Variants in NOS1AP observed in about 807,000 individuals in gnomAD.
The protein encoded by NOS1AP is carboxyl-terminal PDZ ligand of neuronal nitric oxide synthase protein.
NOS1AP carries 21 observed loss-of-function variants against 56.2 expected under a neutral mutation model. That is an observed-to-expected ratio of 0.37 (90% confidence interval 0.26 to 0.54). The LOEUF is 0.54. Among genes scored for constraint, NOS1AP ranks in the 20% least tolerant of loss-of-function variants. The pLI is 0.84. For missense variants in NOS1AP, 522 were observed against 657.8 expected, an observed-to-expected ratio of 0.79 and a Z score of 2.26; for synonymous variants, 270 against 274.6, an observed-to-expected ratio of 0.98 and a Z score of 0.17.
chr1:162,302,014 T>C (rs1016036972), intron 4 of NOS1AP, among the ~76,000 whole-genome samples: 4 of 152,228 alleles, frequency 2.6e-5, no homozygotes, highest in African/African-American at 9.6e-5. Flanking sequence ...TGCAGTCCCT[T>C]GTTCTCAGGG....
chr1:162,345,920 A>G (rs1312361414), intron 6 of NOS1AP, among the ~76,000 whole-genome samples: 4 of 152,250 alleles, frequency 2.6e-5, no homozygotes, highest in African/African-American at 4.8e-5. Flanking sequence ...TAAAAAAACA[A>G]GAATAGAAAA....
Position 162,248,285 on chromosome 1 carries a change from T to C in NOS1AP, c.178-39059T>C, listed in dbSNP as rs572156694. Among the ~76,000 whole-genome samples the C allele has an allele frequency of 1.1e-4, 16 of 152,238 alleles. 1 individual carries two copies. Among genetic ancestry groups the C allele is most frequent in the Admixed American group, 2.6e-4 (4 of 15,288 alleles). On this transcript the variant is annotated intron_variant, in intron 2 of 9. Coordinates refer to ENST00000361897, the MANE Select transcript of NOS1AP (RefSeq NM_014697.3). ...AATCCCCATGAAGTAGAAGAGATAA[T>C]TGAGACTCAGGCATGTGAAGTGCCC...
intron 8 of NOS1AP, chr1:162,363,750 A>C (rs920851986): frequency 1.0e-6 from 1 of 976,086 alleles, no homozygotes; most frequent in Admixed American, 6.2e-5. Context: ...TGAAGACCAA[A>C]CATGTATTTC....
intron 4 of NOS1AP, among the ~76,000 whole-genome samples, chr1:162,308,085 A>G (rs1190671264): frequency 6.6e-6 from 1 of 152,262 alleles, no homozygotes; most frequent in Admixed American, 6.5e-5. Flanking sequence ...AACTATAATA[A>G]AAGAGTACCT....
At chr1:162,196,190 G>C (rs188270113) in intron 2 of NOS1AP, among the ~76,000 whole-genome samples, 21 of 152,276 alleles carry the variant, frequency 1.4e-4, no homozygotes, top group African/African-American at 3.1e-4. Context: ...ATGTTTGGAG[G>C]AAAATGTGGT....
rs544710968 is a variant in NOS1AP at position 162,101,993 on chromosome 1, G to A, written c.105+31711G>A. Among the ~76,000 whole-genome samples, 14 of 152,168 alleles carry A rather than the reference G, an allele frequency of 9.2e-5. No individual in the cohort carries two copies. The South Asian group carries it at 2.9e-3, about 32-fold the overall frequency. ...CAATACTACGTTGAATAGGAGTGGTGATAGAAGAGGGCATTCTTGTCTTGT... is the reference window on the plus strand; with the variant it reads ...CAATACTACGTTGAATAGGAGTGGTAATAGAAGAGGGCATTCTTGTCTTGT... On this transcript the variant is annotated intron_variant, in intron 1 of 9. Coordinates refer to ENST00000361897, the MANE Select transcript of NOS1AP (RefSeq NM_014697.3).
chr1:162,130,840 C>T (rs113549860), intron 1 of NOS1AP, among the ~76,000 whole-genome samples: 242 of 152,268 alleles, frequency 1.6e-3, no homozygotes, highest in African/African-American at 5.6e-3. Context: ...AAAAATGTTA[C>T]TAATTCTCAG....
intron 2 of NOS1AP, among the ~76,000 whole-genome samples, chr1:162,241,978 A>C (rs1203272198): frequency 1.3e-5 from 2 of 152,222 alleles, no homozygotes; most frequent in Non-Finnish European, 2.9e-5. Flanking sequence ...CCACTGTAAC[A>C]ATGAAAGAAA....
At chr1:162,356,313 A>G (rs1557891336) in intron 7 of NOS1AP, among the ~76,000 whole-genome samples, 1 of 152,238 alleles carries the variant, frequency 6.6e-6, no homozygotes, top group East Asian at 1.9e-4. Context: ...AGAGGGAGAC[A>G]GAAGGAAAGG....
intron 1 of NOS1AP, among the ~76,000 whole-genome samples, chr1:162,150,237 T>C (rs1649654575): frequency 6.6e-6 from 1 of 152,242 alleles, no homozygotes; most frequent in Admixed American, 6.5e-5. Flanking sequence ...ATGTGAAGTT[T>C]GTCTTTCTGT....
chr1:162,364,008 T>C (rs1426308169), intron 8 of NOS1AP: 7 of 985,300 alleles, frequency 7.1e-6, no homozygotes, highest in African/African-American at 1.7e-5. Flanking sequence ...ACAAGTGTAA[T>C]TCTCTGAGTG....
intron 2 of NOS1AP, among the ~76,000 whole-genome samples, chr1:162,249,552 C>T (rs1426594135): frequency 6.6e-6 from 1 of 152,136 alleles, no homozygotes; most frequent in East Asian, 1.9e-4. Flanking sequence ...ATCATCCACA[C>T]CAAATAAGAA....
chr1:162,152,988 C>G (rs1464174584), intron 1 of NOS1AP, among the ~76,000 whole-genome samples: 1 of 152,100 alleles, frequency 6.6e-6, no homozygotes, highest in African/African-American at 2.4e-5. Context: ...TAAGGAAAGG[C>G]AAGTCCCAAT....
chr1:162,333,589 G>A (rs1656844813), intron 5 of NOS1AP, among the ~76,000 whole-genome samples: 1 of 152,156 alleles, frequency 6.6e-6, no homozygotes, highest in Non-Finnish European at 1.5e-5. Context: ...GCAACTTTGA[G>A]GATTCTGAAG....
At chr1:162,183,158 A>G (rs1172615268) in intron 2 of NOS1AP, among the ~76,000 whole-genome samples, 1 of 152,248 alleles carries the variant, frequency 6.6e-6, no homozygotes, top group East Asian at 1.9e-4. Context: ...CATGAAAACA[A>G]CATTCATCCC....
chr1:162,097,802 A>G (rs1020315197), intron 1 of NOS1AP, among the ~76,000 whole-genome samples: 1 of 152,150 alleles, frequency 6.6e-6, no homozygotes, highest in African/African-American at 2.4e-5. Flanking sequence ...TCCTAACCTT[A>G]TGGTCTTGGC....
intron 2 of NOS1AP, 45 bp from the exon 3 acceptor site, chr1:162,287,299 A>G (rs1451347149): frequency 7.3e-7 from 1 of 1,374,994 alleles, no homozygotes; most frequent in Non-Finnish European, 1.0e-6. Flanking sequence ...AGATGCACTG[A>G]TCTCATCAGA....
Position 162,107,750 on chromosome 1 carries a change from C to CT in NOS1AP, c.105+37469dup, listed in dbSNP as rs1647567939. On this transcript the variant is annotated intron_variant, in intron 1 of 9. Transcript: ENST00000361897. ...ACCCACAGAGAGGAACAGACAGGAA[C>CT]TCAGCCAACTGGCTTTAAAACACAG... is the stretch of plus-strand genomic sequence containing the variant. Among the ~76,000 whole-genome samples, 3 of 152,280 alleles carry CT rather than the reference C, an allele frequency of 2.0e-5. No individual in the cohort carries two copies. In the South Asian group the frequency reaches 6.2e-4, roughly 32 times the overall value.
intron 3 of NOS1AP, among the ~76,000 whole-genome samples, chr1:162,288,321 G>A (rs1244301105): frequency 6.6e-6 from 1 of 152,086 alleles, no homozygotes. Flanking sequence ...GTCCTCCATA[G>A]ACCTCCTGAG....
Sources: gnomAD v4.1 joint callset for allele counts (sites outside exome capture counted in the v4.1 genomes callset) on GRCh38, gnomAD v4.1.1 for gene constraint, MANE v1.5 for transcripts, NCBI Gene and HGNC (gene_info 2026-07-23, HGNC 2026-07-21) for gene names.